Variants in NIN observed in about 807,000 individuals in gnomAD.
The protein encoded by NIN is ninein.
A neutral mutation model predicts 257.6 loss-of-function variants in NIN; 137 were observed. That is an observed-to-expected ratio of 0.53 (90% CI 0.46 to 0.61). The LOEUF (loss-of-function observed/expected upper bound fraction) is 0.61, where lower values mean the gene tolerates loss of function less well. Ranked by LOEUF, NIN falls within the 20% of genes least tolerant of loss-of-function variation. The probability of loss-of-function intolerance (pLI) is 0.00; values close to 1 mark genes in which losing one functional copy is unlikely to be tolerated. For missense variants in NIN, 2,439 were observed against 2,501.2 expected, an observed-to-expected ratio of 0.98 and a Z score of 0.53; for synonymous variants, 918 against 919.8, an observed-to-expected ratio of 1.00 and a Z score of 0.04.
rs993843047 is a variant in NIN, at chr14:50,739,443, G to A, written c.5493C>T (p.Asn1831=). The A allele has an allele frequency of 6.8e-6, 11 of 1,614,054 alleles. No individual in the cohort carries two copies. The highest frequency in any genetic ancestry group is 8.5e-6 in the Non-Finnish European group (10 of 1,180,032). ...EIATHPSGLH[N]QQKRLSWDKL... ...TGTCCCAGGACAGCCTTTTCTGCTG[G>A]TTATGGAGCCCTGATGGATGAGTAG... The change falls in exon 26 of 31, where the codon AAC becomes AAT. Residue 1831 remains asparagine, a synonymous_variant. Coordinates refer to ENST00000530997, the MANE Select transcript of NIN (RefSeq NM_020921.4).
chr14:50,794,082 A>T (rs2043724177), intron 4 of NIN, among the ~76,000 whole-genome samples: 1 of 152,220 alleles, frequency 6.6e-6, no homozygotes, highest in Non-Finnish European at 1.5e-5. Context: ...AAGAACTAAA[A>T]GAACGACCGT....
In NIN at chr14:50,756,768, TC is replaced by T. The variant is rs2042045485; in HGVS notation, c.4261del (p.Glu1421LysfsTer18). On this transcript the variant is annotated frameshift_variant, in exon 18 of 31. Coordinates refer to ENST00000530997, the MANE Select transcript of NIN (RefSeq NM_020921.4). LOFTEE classifies it high-confidence loss of function. Reference protein sequence around the residue: ...WLHGTIQTHQERPRVQNQVIL... With the variant: ...WLHGTIQTHQXRPRVQNQVIL... ...AACTTGATTCTGTACTCTTGGCCTT[TC>T]TTGATGTGTCTGAATTGTTCCATGT... 4.8e-5 allele frequency: 75 copies of T among 1,551,622 alleles called. No homozygotes were observed. The highest frequency in any genetic ancestry group is 6.5e-5 in the Non-Finnish European group (74 of 1,146,980).
Position 50,806,771 on chromosome 14 carries a change from T to C in NIN, c.231A>G (p.Arg77=). The C allele has an allele frequency of 6.3e-7, 1 of 1,590,574 alleles. No homozygotes were observed. Among genetic ancestry groups the C allele is most frequent in the Non-Finnish European group, 8.6e-7 (1 of 1,160,194 alleles). The change falls in exon 4 of 31, where the codon AGA becomes AGG. Residue 77 remains arginine (R), a synonymous_variant. Transcript: ENST00000530997. ...FKEALILILS[R]TLSNEEHFQE... Reference sequence around the variant, plus strand: ...GAAAGTGTTCTTCATTTGACAGAGTTCTGGACAAGATGAGTATTAATGCTT... The same window carrying C: ...GAAAGTGTTCTTCATTTGACAGAGTCCTGGACAAGATGAGTATTAATGCTT...
intron 4 of NIN, among the ~76,000 whole-genome samples, chr14:50,795,815 T>C (rs1421140107): frequency 6.6e-6 from 1 of 152,150 alleles, no homozygotes; most frequent in Non-Finnish European, 1.5e-5. Flanking sequence ...ACCTGGACTC[T>C]ATTAAATACA....
intron 12 of NIN, among the ~76,000 whole-genome samples, chr14:50,767,964 A>G (rs2042574248): frequency 1.3e-5 from 2 of 152,122 alleles, no homozygotes; most frequent in Non-Finnish European, 2.9e-5. Flanking sequence ...TTATATTATA[A>G]TAACACATCA....
At chr14:50,733,054 T>C (rs544494719) in intron 28 of NIN, among the ~76,000 whole-genome samples, 1 of 150,774 alleles carries the variant, frequency 6.6e-6, no homozygotes, top group Non-Finnish European at 1.5e-5. Context: ...GGTGACAGAA[T>C]CTCAAAAAAA....
rs372019152 is a variant in NIN at position 50,756,797 on chromosome 14, C to G, written c.4233G>C (p.Trp1411Cys). The G allele has an allele frequency of 1.7e-5, 26 of 1,551,486 alleles. No homozygotes were observed. The East Asian group carries it at 3.9e-4, about 23-fold the overall frequency. The part of the protein sequence containing the change: ...LEKVKAHEIA[W>C]LHGTIQTHQE... The stretch of plus-strand genomic sequence containing the variant: ...GATGTGTCTGAATTGTTCCATGTAA[C>G]CAGGCAATTTCATGTGCTTTTACTT... The change falls in exon 18 of 31, where the codon TGG becomes TGC. Residue 1411 changes from tryptophan (W) to cysteine (C), a missense_variant. Physicochemically the swap from Trp to Cys is radical, Grantham distance 215. This residue lies in a region of NIN where 2,043 missense variants were observed against 2,050.2 expected (regional missense o/e 1.00). Transcript: ENST00000530997.
In NIN at chr14:50,777,092, C is replaced by T; in HGVS notation, c.523G>A (p.Gly175Arg). ...ATCCAGTCTTGGGGAGGGGAAGATC[C>T]ACTCTGTGAAGCATTCAAGTCATCT... The part of the protein sequence containing the change: ...NPDDLNASQS[G>R]SSPPQDWIEE... The change falls in exon 7 of 31, where the codon GGA (glycine) becomes AGA (arginine). Residue 175 changes from glycine (G) to arginine (R), a missense_variant. By Grantham distance (125) the Gly-to-Arg change is moderately radical. Coordinates refer to ENST00000530997, the MANE Select transcript of NIN (RefSeq NM_020921.4). 1 of 1,613,922 alleles carries T rather than the reference C, an allele frequency of 6.2e-7. No homozygotes were observed. Among genetic ancestry groups the T allele is most frequent in the Non-Finnish European group, 8.5e-7 (1 of 1,179,884 alleles).
chr14:50,814,206 A>G (rs1212489298), intron 3 of NIN, among the ~76,000 whole-genome samples: 1 of 152,234 alleles, frequency 6.6e-6, no homozygotes, highest in African/African-American at 2.4e-5. Flanking sequence ...ATGAAGCTGT[A>G]CTCCAAGACT....
chr14:50,759,303 G>C (rs2042170488), intron 17 of NIN, among the ~76,000 whole-genome samples: 3 of 152,192 alleles, frequency 2.0e-5, no homozygotes, highest in Non-Finnish European at 4.4e-5. Flanking sequence ...AGCCTTATAA[G>C]GTAGAATAAA....
chr14:50,745,772 C>T (rs769321687), intron 22 of NIN, among the ~76,000 whole-genome samples: 1 of 152,312 alleles, frequency 6.6e-6, no homozygotes, highest in East Asian at 1.9e-4. Context: ...TGTAAACTGG[C>T]ATGTAACTTT....
intron 21 of NIN, among the ~76,000 whole-genome samples, chr14:50,748,312 G>A (rs1328604119): frequency 6.6e-6 from 1 of 152,118 alleles, no homozygotes; most frequent in African/African-American, 2.4e-5. Flanking sequence ...ACTAGGTATT[G>A]ATGGAACGTA....
chr14:50,775,815 C>T (rs935178209), intron 7 of NIN, among the ~76,000 whole-genome samples: 1 of 152,004 alleles, frequency 6.6e-6, no homozygotes, highest in Non-Finnish European at 1.5e-5. Context: ...CACTGATTTA[C>T]AATTCAGGAG....
At chr14:50,762,033 GAACT>G in intron 15 of NIN, 122 bp from the exon 16 acceptor site, 1 of 993,146 alleles carries the variant, frequency 1.0e-6, no homozygotes, top group Admixed American at 2.1e-5. Flanking sequence ...CCAGAGATGT[GAACT>G]AATAGGAAAT....
chr14:50,784,239 T>C (rs2043251216), intron 5 of NIN, among the ~76,000 whole-genome samples: 2 of 152,196 alleles, frequency 1.3e-5, no homozygotes, highest in African/African-American at 4.8e-5. Context: ...CAAAGGGACA[T>C]GGAGTCATAT....
Position 50,757,557 on chromosome 14 carries a change from G to C in NIN, c.3473C>G (p.Thr1158Arg). 1 of 1,614,014 alleles carries C rather than the reference G, an allele frequency of 6.2e-7. No individual in the cohort carries two copies. Among genetic ancestry groups the C allele is most frequent in the Middle Eastern group, 1.6e-4 (1 of 6,062 alleles). Residue 1158 changes from threonine (T) to arginine (R), a missense_variant, in exon 18 of 31, where the codon ACA (threonine) becomes AGA (arginine). Thr to Arg is a moderately conservative substitution (Grantham distance 71). Transcript: ENST00000530997. Reference protein sequence around the residue: ...EDDEVRDLGSTGTSSVQRQEV... With the variant: ...EDDEVRDLGSRGTSSVQRQEV... ...CTGTCTCTGAACAGAGCTCGTCCCT[G>C]TACTTCCCAGGTCCCGGACCTCATC...
chr14:50,740,132 A>T (rs2041206826), intron 25 of NIN, among the ~76,000 whole-genome samples: 1 of 152,176 alleles, frequency 6.6e-6, no homozygotes, highest in Non-Finnish European at 1.5e-5. Context: ...CATGAAAAAA[A>T]AAAAGGTACA....
chr14:50,805,179 G>A (rs2044267051), intron 4 of NIN, among the ~76,000 whole-genome samples: 1 of 152,108 alleles, frequency 6.6e-6, no homozygotes. Context: ...CTATGCTCAC[G>A]TTAGCTAATA....
At chr14:50,778,031 T>C (rs1413988417) in intron 6 of NIN, among the ~76,000 whole-genome samples, 1 of 152,200 alleles carries the variant, frequency 6.6e-6, no homozygotes, top group Non-Finnish European at 1.5e-5. Flanking sequence ...GTACAGTTAA[T>C]CCACAGAGGG....
Sources: gnomAD v4.1 joint callset for allele counts (sites outside exome capture counted in the v4.1 genomes callset) on GRCh38, gnomAD v4.1.1 for gene constraint, gnomAD v4.1.1 regional missense constraint, MANE v1.5 for transcripts, NCBI Gene and HGNC (gene_info 2026-07-23, HGNC 2026-07-21) for gene names.